DAB1: variants seen among roughly 807,000 people sequenced by gnomAD.
The protein encoded by DAB1 is DAB adaptor protein 1, also known as disabled homolog 1.
DAB1 carries 15 observed loss-of-function variants against 64.6 expected under a neutral mutation model. The observed-to-expected ratio is 0.23, with a 90% CI of 0.16 to 0.36. The LOEUF is 0.36. DAB1 is among the 10% of genes least tolerant of loss of function. The pLI, the probability that DAB1 is intolerant of heterozygous loss-of-function variation, is 1.00. For missense variants in DAB1, 596 were observed against 706.7 expected (o/e 0.84, Z 1.78); for synonymous variants, 235 against 251.9 (o/e 0.93, Z 0.64).
At chr1:57,737,021 G>A (rs1471497414) in intron 6 of DAB1, among the ~76,000 whole-genome samples, 3 of 152,194 alleles carry the variant, frequency 2.0e-5, no homozygotes, top group African/African-American at 7.2e-5. Context: ...CCTGAGGAAG[G>A]AAATGGGAGG....
intron 5 of DAB1, among the ~76,000 whole-genome samples, chr1:58,145,779 C>T (rs113867864): frequency 6.6e-5 from 10 of 152,196 alleles, no homozygotes; most frequent in South Asian, 2.1e-4. Flanking sequence ...CACGGACATG[C>T]GCTTCACTGA....
chr1:58,470,866 C>T (rs12734152), intron 3 of DAB1, among the ~76,000 whole-genome samples: 9,930 of 152,072 alleles, frequency 0.065, 531 homozygotes, highest in South Asian at 0.22. Context: ...TTTGATTGAG[C>T]GAACCTACTG....
intron 3 of DAB1, among the ~76,000 whole-genome samples, chr1:58,442,454 A>C (rs2100270925): frequency 7.0e-6 from 1 of 142,850 alleles, no homozygotes; most frequent in African/African-American, 2.5e-5. Context: ...TCCACACGTA[A>C]AACTCCACTG....
intron 6 of DAB1, among the ~76,000 whole-genome samples, chr1:57,775,201 T>C (rs1458570352): frequency 6.6e-6 from 1 of 151,478 alleles, no homozygotes; most frequent in Non-Finnish European, 1.5e-5. Context: ...TTTATTGACC[T>C]TTTCCAAGAA....
intron 1 of DAB1, among the ~76,000 whole-genome samples, chr1:57,297,277 CT>C (rs1280378813): frequency 8.5e-5 from 13 of 152,104 alleles, no homozygotes; most frequent in Admixed American, 8.5e-4. Flanking sequence ...ATGTTAGCCC[CT>C]CAAAATTATT....
chr1:57,671,247 G>A (rs941637892), intron 6 of DAB1, among the ~76,000 whole-genome samples: 2 of 152,076 alleles, frequency 1.3e-5, no homozygotes, highest in African/African-American at 4.8e-5. Context: ...GAAGTGATCA[G>A]CACATTTTTC....
At chr1:58,011,112 C>T (rs138978259) in intron 5 of DAB1, among the ~76,000 whole-genome samples, 187 of 152,294 alleles carry the variant, frequency 1.2e-3, no homozygotes, top group Non-Finnish European at 2.1e-3. Flanking sequence ...TGACAACCAC[C>T]AGGCCTTCAC....
At chr1:57,140,729 C>T (rs887567066) in intron 3 of DAB1, among the ~76,000 whole-genome samples, 2 of 152,104 alleles carry the variant, frequency 1.3e-5, no homozygotes, top group African/African-American at 4.8e-5. Context: ...AACAGTTATA[C>T]TTTTGAGACC....
At chr1:58,238,458 A>G (rs1660147087) in intron 4 of DAB1, among the ~76,000 whole-genome samples, 1 of 152,194 alleles carries the variant, frequency 6.6e-6, no homozygotes, top group African/African-American at 2.4e-5. Flanking sequence ...GTAGTTCAGA[A>G]TAGATGGAGT....
chr1:57,554,624 T>A (rs1342496025), intron 7 of DAB1, among the ~76,000 whole-genome samples: 1 of 152,240 alleles, frequency 6.6e-6, no homozygotes, highest in African/African-American at 2.4e-5. Context: ...TCTTACAAAC[T>A]CTTTTGGAAC....
At chr1:57,469,183 T>A (rs896891207) in intron 7 of DAB1, among the ~76,000 whole-genome samples, 1 of 152,242 alleles carries the variant, frequency 6.6e-6, no homozygotes, top group African/African-American at 2.4e-5. Flanking sequence ...TATGTGAGCA[T>A]GTATCTGTTT....
intron 3 of DAB1, among the ~76,000 whole-genome samples, chr1:58,503,222 T>C (rs759897912): frequency 3.3e-5 from 5 of 152,124 alleles, no homozygotes; most frequent in Admixed American, 1.3e-4. Context: ...GAAAATCATA[T>C]TGTTATCATT....
At chr1:57,206,949 C>CTCTT (rs200986292) in intron 2 of DAB1, among the ~76,000 whole-genome samples, 1 of 131,104 alleles carries the variant, frequency 7.6e-6, no homozygotes, top group Admixed American at 8.0e-5. Context: ...CTTTCTCTTT[C>CTCTT]TCTTTCTTTC....
intron 6 of DAB1, among the ~76,000 whole-genome samples, chr1:57,662,789 G>A (rs1039896742): frequency 6.6e-6 from 1 of 152,166 alleles, no homozygotes; most frequent in South Asian, 2.1e-4. Context: ...CAAAGGACAT[G>A]GTATGTGGAC....
chr1:58,489,399 G>T (rs1322232909), intron 3 of DAB1, among the ~76,000 whole-genome samples: 1 of 152,228 alleles, frequency 6.6e-6, no homozygotes, highest in Non-Finnish European at 1.5e-5. Flanking sequence ...TGGGGGAGGG[G>T]TGCCTGCCAT....
chr1:58,405,801 G>A (rs944546351), intron 3 of DAB1, among the ~76,000 whole-genome samples: 7 of 152,188 alleles, frequency 4.6e-5, no homozygotes, highest in Admixed American at 3.3e-4. Flanking sequence ...TATGAATGAG[G>A]AAACAGACAC....
At chr1:57,815,118 C>G (rs914320080) in intron 6 of DAB1, among the ~76,000 whole-genome samples, 1 of 151,910 alleles carries the variant, frequency 6.6e-6, no homozygotes, top group Non-Finnish European at 1.5e-5. Flanking sequence ...GTTGCCCAGG[C>G]TGGTGTGCAG....
intron 3 of DAB1, among the ~76,000 whole-genome samples, chr1:58,470,295 T>A (rs1645343144): frequency 6.6e-6 from 1 of 152,082 alleles, no homozygotes; most frequent in African/African-American, 2.4e-5. Context: ...TGCCTCAGCC[T>A]CCCAAGCAGG....
chr1:58,155,624 G>C (rs1260047556), intron 4 of DAB1, among the ~76,000 whole-genome samples: 2 of 152,194 alleles, frequency 1.3e-5, no homozygotes, highest in Non-Finnish European at 2.9e-5. Context: ...AAAAGGATAG[G>C]GTTGTAGCTA....
Sources: gnomAD v4.1 joint callset for allele counts (sites outside exome capture counted in the v4.1 genomes callset) on GRCh38, gnomAD v4.1.1 for gene constraint, MANE v1.5 for transcripts, NCBI Gene and HGNC (gene_info 2026-07-23, HGNC 2026-07-21) for gene names.